The following MYO16 variants were observed in gnomAD, a reference collection of about 807,000 sequenced individuals.
MYO16 encodes myosin XVI.
In MYO16, 94 loss-of-function variants were observed where a neutral mutation model predicts 205.3. The observed-to-expected ratio is 0.46, with a 90% CI of 0.39 to 0.54. MYO16 has a LOEUF of 0.54. Among genes scored for constraint, MYO16 ranks in the 20% least tolerant of loss-of-function variants. MYO16 has a pLI of 0.00. For synonymous variants in MYO16, 988 were observed against 954.0 expected (o/e 1.04, Z -0.66); for missense variants, 2,315 against 2,387.5 (o/e 0.97, Z 0.63).
intron 32 of MYO16, among the ~76,000 whole-genome samples, chr13:109,155,218 C>G (rs554749097): frequency 6.6e-6 from 1 of 152,300 alleles, no homozygotes; most frequent in East Asian, 1.9e-4. Context: ...CAAACCATCT[C>G]CTTCGACTTG....
the MYO16 span, among the ~76,000 whole-genome samples, chr13:108,542,860 A>G: frequency 6.6e-6 from 1 of 151,622 alleles, no homozygotes; most frequent in African/African-American, 2.4e-5. Context: ...AACCATGTTC[A>G]TTTATAGTTT....
chr13:108,706,550 C>T (rs1883517095), intron 2 of MYO16, among the ~76,000 whole-genome samples: 1 of 152,168 alleles, frequency 6.6e-6, no homozygotes, highest in African/African-American at 2.4e-5. Flanking sequence ...CTTTTGTCCT[C>T]CGTCTTCTCC....
At chr13:108,841,533 C>G (rs1384174238) in intron 9 of MYO16, among the ~76,000 whole-genome samples, 1 of 152,048 alleles carries the variant, frequency 6.6e-6, no homozygotes, top group Non-Finnish European at 1.5e-5. Flanking sequence ...CACAGAAGCA[C>G]AAACTGTAAG....
the MYO16 span, among the ~76,000 whole-genome samples, chr13:108,556,603 G>A: frequency 5.9e-5 from 9 of 152,008 alleles, no homozygotes; most frequent in African/African-American, 2.2e-4. Flanking sequence ...TCTATTGATT[G>A]TTTCCTTTTC....
chr13:108,844,475 T>A lies in MYO16; in HGVS notation c.1230T>A (p.Gly410=). The change falls in exon 10 of 35, where the codon GGT becomes GGA. Residue 410 remains glycine, a synonymous_variant. Coordinates refer to ENST00000457511, the MANE Select transcript of MYO16 (RefSeq NM_001198950.3). ...DSIPENPMMS[G]STKPEQVKLM... Reference sequence around the variant, plus strand: ...TCCCTGAAAACCCCATGATGAGCGGTTCCACCAAACCCGAGCAGGTAATCA... The same window carrying A: ...TCCCTGAAAACCCCATGATGAGCGGATCCACCAAACCCGAGCAGGTAATCA... 1.2e-6 allele frequency: 2 copies of A among 1,611,228 alleles called. No individual in the cohort carries two copies. Among genetic ancestry groups the A allele is most frequent in the South Asian group, 2.2e-5 (2 of 90,734 alleles).
the MYO16 span, among the ~76,000 whole-genome samples, chr13:108,536,314 A>G: frequency 1.3e-5 from 2 of 152,134 alleles, no homozygotes; most frequent in African/African-American, 2.4e-5. Context: ...TTTTGCAGTG[A>G]CTACCCTGGA....
At chr13:108,764,724 C>A (rs1289972172) in intron 4 of MYO16, among the ~76,000 whole-genome samples, 3 of 152,162 alleles carry the variant, frequency 2.0e-5, no homozygotes, top group Non-Finnish European at 4.4e-5. Flanking sequence ...CAGTAGACTT[C>A]CTTGTGAAAT....
intron 20 of MYO16, 21 bp downstream of exon 20, chr13:108,964,923 GGTTCT>G: frequency 6.2e-7 from 1 of 1,611,748 alleles, no homozygotes; most frequent in Non-Finnish European, 8.5e-7. Flanking sequence ...ATGGATGTTC[GGTTCT>G]GTTGTCATTA....
chr13:108,623,890 A>G (rs1879630710), intron 1 of MYO16, among the ~76,000 whole-genome samples: 1 of 152,192 alleles, frequency 6.6e-6, no homozygotes, highest in Non-Finnish European at 1.5e-5. Flanking sequence ...ATTGACTGGT[A>G]CATGAAAAAA....
At chr13:108,925,103 C>T (rs184181747) in intron 16 of MYO16, among the ~76,000 whole-genome samples, 5 of 152,208 alleles carry the variant, frequency 3.3e-5, no homozygotes, top group African/African-American at 9.6e-5. Context: ...CATCCAGAGG[C>T]ACCCAGAGCC....
chr13:109,021,936 T>A (rs1397578150), intron 23 of MYO16, among the ~76,000 whole-genome samples: 1 of 151,540 alleles, frequency 6.6e-6, no homozygotes, highest in Non-Finnish European at 1.5e-5. Flanking sequence ...CAATAGGAAA[T>A]GTACCTGGGT....
chr13:109,195,902 T>C (rs1880133972), intron 34 of MYO16, among the ~76,000 whole-genome samples: 1 of 152,216 alleles, frequency 6.6e-6, no homozygotes, highest in Non-Finnish European at 1.5e-5. Flanking sequence ...TTATGTTTAA[T>C]TGGTTCATGC....
At chr13:108,924,688 A>G (rs528627642) in intron 16 of MYO16, among the ~76,000 whole-genome samples, 1 of 152,188 alleles carries the variant, frequency 6.6e-6, no homozygotes, top group East Asian at 1.9e-4. Context: ...TCCTTGTTAT[A>G]CAAAGGAAGA....
chr13:108,995,316 C>T (rs769415323), intron 21 of MYO16, among the ~76,000 whole-genome samples: 13 of 152,106 alleles, frequency 8.5e-5, no homozygotes, highest in South Asian at 2.1e-4. Context: ...GGGATGGTGG[C>T]GCCATTATGA....
chr13:108,834,926 A>T (rs1358557376), intron 9 of MYO16, among the ~76,000 whole-genome samples: 1 of 152,026 alleles, frequency 6.6e-6, no homozygotes, highest in Non-Finnish European at 1.5e-5. Context: ...TATAGATAAA[A>T]ATGTTTTATT....
chr13:108,732,585 A>G (rs1877921715), intron 4 of MYO16, among the ~76,000 whole-genome samples: 1 of 151,736 alleles, frequency 6.6e-6, no homozygotes, highest in Admixed American at 6.5e-5. Flanking sequence ...GACAGGGGTC[A>G]GGGGATAGAT....
intron 1 of MYO16, among the ~76,000 whole-genome samples, chr13:108,607,731 A>G (rs1213073355): frequency 6.6e-6 from 1 of 152,026 alleles, no homozygotes; most frequent in Non-Finnish European, 1.5e-5. Flanking sequence ...AAAGAATGGA[A>G]CCCCGACACC....
chr13:108,796,784 G>C (rs1218274563), intron 6 of MYO16, among the ~76,000 whole-genome samples: 1 of 109,790 alleles, frequency 9.1e-6, no homozygotes, highest in African/African-American at 3.3e-5. Context: ...GGGGGAGCGG[G>C]GAGGGATAGC....
intron 16 of MYO16, among the ~76,000 whole-genome samples, chr13:108,924,136 A>T (rs1881873176): frequency 6.6e-6 from 1 of 152,250 alleles, no homozygotes; most frequent in African/African-American, 2.4e-5. Context: ...TATATACATT[A>T]AAAATTCATT....
Sources: allele counts gnomAD v4.1 joint callset (sites outside exome capture counted in the v4.1 genomes callset), GRCh38; gene constraint gnomAD v4.1.1; transcripts MANE v1.5; gene names NCBI Gene and HGNC (gene_info 2026-07-23, HGNC 2026-07-21).